The following NR2F1-AS1 variants were observed in gnomAD, a reference collection of about 807,000 sequenced individuals.
The protein encoded by NR2F1-AS1 is NR2F1 regulatory antisense RNA 1.
intron 4 of NR2F1-AS1, among the ~76,000 whole-genome samples, chr5:93,493,488 A>G (rs1331222187): frequency 1.3e-5 from 2 of 152,128 alleles, no homozygotes; most frequent in Non-Finnish European, 2.9e-5. Context: ...ACCCAAATCA[A>G]TCTACAGTTC....
chr5:93,579,347 G>T lies in NR2F1-AS1; in HGVS notation n.313+1120C>A, dbSNP rs1281137123. Among the ~76,000 whole-genome samples the T allele has an allele frequency of 1.3e-5, 2 of 151,988 alleles. No homozygotes were observed. Among genetic ancestry groups the T allele is most frequent in the African/African-American group, 2.4e-5 (1 of 41,400 alleles). ...TTCACCCTCCTCCTTCCTTCCGGAG[G>T]AGCCCGCGGCTTCGCCTGAGGCCTC... On this transcript the variant is annotated intron_variant and non_coding_transcript_variant, in intron 1 of 5. Transcript: ENST00000660523. This position sits in a 1 kb window ranked among gnomAD's most constrained non-coding sequence, Gnocchi z 5.1.
At chr5:93,539,469 T>C (rs544579180) in intron 4 of NR2F1-AS1, among the ~76,000 whole-genome samples, 2 of 152,170 alleles carry the variant, frequency 1.3e-5, no homozygotes, top group South Asian at 4.2e-4. Context: ...TGGATGAACC[T>C]GGAGGACATC....
intron 4 of NR2F1-AS1, among the ~76,000 whole-genome samples, chr5:93,424,377 C>G (rs1489596118): frequency 6.6e-6 from 1 of 150,964 alleles, no homozygotes; most frequent in African/African-American, 2.4e-5. Context: ...ATATTTTTCT[C>G]TCCTTTTTCT....
intron 4 of NR2F1-AS1, among the ~76,000 whole-genome samples, chr5:93,538,121 C>T (rs970969565): frequency 6.6e-6 from 1 of 152,118 alleles, no homozygotes; most frequent in Non-Finnish European, 1.5e-5. Context: ...ACATACAACC[C>T]TGAACTGGCA....
At chr5:93,574,069 T>C (rs533448076) in intron 1 of NR2F1-AS1, among the ~76,000 whole-genome samples, 1 of 152,246 alleles carries the variant, frequency 6.6e-6, no homozygotes, top group Non-Finnish European at 1.5e-5. Context: ...CTGCAATTAG[T>C]CCTGCTAAAC....
intron 2 of NR2F1-AS1, among the ~76,000 whole-genome samples, chr5:93,560,447 T>C (rs1404582916): frequency 6.6e-6 from 1 of 152,242 alleles, no homozygotes; most frequent in Non-Finnish European, 1.5e-5. Flanking sequence ...AGGATCTCAG[T>C]GACTTTTGGC....
At chr5:93,572,999 C>T (rs1420158893) in intron 1 of NR2F1-AS1, among the ~76,000 whole-genome samples, 3 of 152,210 alleles carry the variant, frequency 2.0e-5, no homozygotes, top group African/African-American at 7.2e-5. Context: ...CCCGACAATG[C>T]GCAGGTGCCA....
At chr5:93,577,901 G>T (rs980871601) in intron 1 of NR2F1-AS1, among the ~76,000 whole-genome samples, 1 of 152,156 alleles carries the variant, frequency 6.6e-6, no homozygotes, top group Non-Finnish European at 1.5e-5. Flanking sequence ...TAGGGAAGAG[G>T]TATAAAAGAG....
chr5:93,566,953 T>A (rs961041999), intron 1 of NR2F1-AS1, among the ~76,000 whole-genome samples: 1 of 152,042 alleles, frequency 6.6e-6, no homozygotes, highest in African/African-American at 2.4e-5. Flanking sequence ...AGAATAAAGT[T>A]TAGAGAAAAC....
At chr5:93,585,090 C>T, upstream of NR2F1-AS1, 1 of 1,012,528 alleles carries the variant, frequency 9.9e-7, no homozygotes, top group Non-Finnish European at 1.2e-6. Flanking sequence ...CCCCGGCGGC[C>T]CCAACCCCGC....
chr5:93,495,734 CATAT>C (rs1386094699), intron 4 of NR2F1-AS1, among the ~76,000 whole-genome samples: 1 of 151,896 alleles, frequency 6.6e-6, no homozygotes, highest in Non-Finnish European at 1.5e-5. Context: ...ATTTGTATAT[CATAT>C]ACACAAATAT....
intron 4 of NR2F1-AS1, among the ~76,000 whole-genome samples, chr5:93,479,487 G>T (rs1014085243): frequency 3.3e-5 from 5 of 152,138 alleles, no homozygotes; most frequent in African/African-American, 1.2e-4. Flanking sequence ...AAACAATTTG[G>T]AAAAGTCACT....
At position 93,579,627 on chromosome 5, in the gene NR2F1-AS1, GC is replaced by G. The variant is rs959286744; in HGVS notation, n.313+839del. On this transcript the variant is annotated intron_variant and non_coding_transcript_variant, in intron 1 of 5. Coordinates refer to ENST00000660523, the Ensembl canonical transcript of NR2F1-AS1. This position sits in a 1 kb window ranked among gnomAD's most constrained non-coding sequence, Gnocchi z 5.1. The stretch of plus-strand genomic sequence containing the variant: ...CCGGGTGCAGTCCCCAGCATCGGCT[GC>G]CCCCGCCCCCCGCGCGCCCTCTGAC... Among the ~76,000 whole-genome samples the G allele has an allele frequency of 2.0e-5, 3 of 149,752 alleles. No homozygotes were observed. The highest frequency in any genetic ancestry group is 7.4e-5 in the African/African-American group (3 of 40,514).
At chr5:93,495,476 A>G (rs1037002978) in intron 4 of NR2F1-AS1, among the ~76,000 whole-genome samples, 1 of 152,172 alleles carries the variant, frequency 6.6e-6, no homozygotes, top group Non-Finnish European at 1.5e-5. Context: ...ATTCTAATTA[A>G]GCTGCAAGCC....
intron 4 of NR2F1-AS1, among the ~76,000 whole-genome samples, chr5:93,455,847 A>ACG (rs1303211795): frequency 6.6e-6 from 1 of 150,730 alleles, no homozygotes; most frequent in African/African-American, 2.5e-5. Flanking sequence ...ACACACGCAC[A>ACG]CACACACACA....
chr5:93,484,986 GAGACTT>G (rs1750685032), intron 4 of NR2F1-AS1, among the ~76,000 whole-genome samples: 1 of 152,068 alleles, frequency 6.6e-6, no homozygotes, highest in African/African-American at 2.4e-5. Flanking sequence ...TACCTACAAA[GAGACTT>G]AGAATCCCAC....
At chr5:93,419,196 G>A (rs7715034) in intron 4 of NR2F1-AS1, among the ~76,000 whole-genome samples, 26,201 of 152,082 alleles carry the variant, frequency 0.17, 3,518 homozygotes, top group African/African-American at 0.38. Flanking sequence ...GTATGCCTCT[G>A]TTTACTGGCA....
rs934152789 is a variant in NR2F1-AS1 at position 93,580,000 on chromosome 5, G to A, written n.313+467C>T. 7.9e-5 allele frequency among the ~76,000 whole-genome samples: 12 copies of A among 152,338 alleles called. No individual in the cohort carries two copies. Among genetic ancestry groups the A allele is most frequent in the African/African-American group, 2.9e-4 (12 of 41,588 alleles). ...GGGCGGCTGCAGCCAAGCTCGCCAG[G>A]TTCAGGCCGTAACCAGGCAAGGCGC... On this transcript the variant is annotated intron_variant and non_coding_transcript_variant, in intron 1 of 5. Coordinates refer to ENST00000660523, the Ensembl canonical transcript of NR2F1-AS1. The surrounding 1 kb of genome is among the most constrained non-coding windows in gnomAD (Gnocchi z 5.1).
chr5:93,486,603 T>C (rs1384296860), intron 4 of NR2F1-AS1, among the ~76,000 whole-genome samples: 2 of 152,140 alleles, frequency 1.3e-5, no homozygotes, highest in Admixed American at 6.5e-5. Context: ...CAATAATTAA[T>C]AGCCTACCAA....
Sources: allele counts gnomAD v4.1 joint callset (sites outside exome capture counted in the v4.1 genomes callset), GRCh38; gene constraint gnomAD v4.1.1; non-coding constraint Gnocchi (gnomAD v3.1); transcripts MANE v1.5; gene names NCBI Gene and HGNC (gene_info 2026-07-23, HGNC 2026-07-21).